The following KIF21A variants were observed in gnomAD, a reference collection of about 807,000 sequenced individuals.
The protein encoded by KIF21A is kinesin-like protein KIF21A.
A neutral mutation model predicts 202.9 loss-of-function variants in KIF21A; 114 were observed. That is an observed-to-expected ratio of 0.56 (90% CI 0.48 to 0.66). KIF21A has a LOEUF of 0.66. KIF21A is among the 30% of genes least tolerant of loss of function. KIF21A has a pLI of 0.00. For missense variants in KIF21A, 1,677 were observed against 1,994.9 expected (o/e 0.84, Z 3.04); for synonymous variants, 667 against 670.8 (o/e 0.99, Z 0.09).
chr12:39,305,517 G>A (rs1159474525), intron 34 of KIF21A, among the ~76,000 whole-genome samples: 2 of 152,046 alleles, frequency 1.3e-5, no homozygotes, highest in African/African-American at 4.8e-5. Context: ...CCCAGTAGCT[G>A]GGACTTATAG....
intron 1 of KIF21A, among the ~76,000 whole-genome samples, chr12:39,425,583 G>C (rs1592696625): frequency 6.6e-6 from 1 of 152,168 alleles, no homozygotes; most frequent in African/African-American, 2.4e-5. Context: ...AGATACTAAA[G>C]ATAACTGTTT....
chr12:39,372,872 G>T (rs1450724683), intron 1 of KIF21A, among the ~76,000 whole-genome samples: 1 of 152,084 alleles, frequency 6.6e-6, no homozygotes, highest in Non-Finnish European at 1.5e-5. Context: ...CAGAAATAGG[G>T]AGAGTCAGAA....
chr12:39,316,953 T>C (rs1944615173), intron 29 of KIF21A, among the ~76,000 whole-genome samples: 1 of 152,212 alleles, frequency 6.6e-6, no homozygotes, highest in South Asian at 2.1e-4. Context: ...GAAGGCAAGG[T>C]AGACACAAAT....
chr12:39,418,571 A>G (rs1953978769), intron 1 of KIF21A, among the ~76,000 whole-genome samples: 1 of 152,212 alleles, frequency 6.6e-6, no homozygotes, highest in Non-Finnish European at 1.5e-5. Context: ...CTACAGATGC[A>G]ACAGAAATCA....
intron 1 of KIF21A, among the ~76,000 whole-genome samples, chr12:39,395,132 C>T (rs57833783): frequency 0.3 from 45,138 of 152,050 alleles, 8,447 homozygotes; most frequent in African/African-American, 0.53. Flanking sequence ...CCCATTTCCC[C>T]GTCCACTACC....
At chr12:39,308,507 T>A (rs910290167) in intron 33 of KIF21A, among the ~76,000 whole-genome samples, 18 of 152,296 alleles carry the variant, frequency 1.2e-4, no homozygotes, top group African/African-American at 4.3e-4. Context: ...CTTTTGTGTA[T>A]AAGAATTGCC....
In KIF21A at chr12:39,319,895, T is replaced by C. The variant is rs1260260921; in HGVS notation, c.3779+11A>G. On this transcript the variant is annotated intron_variant, in intron 28 of 37. Transcript: ENST00000361418. The stretch of plus-strand genomic sequence containing the variant: ...ATACAGTCTAGCAGGTAAAAAACAT[T>C]AGTCACTTACTGCTTTTGTTCCTTG... The C allele has an allele frequency of 6.7e-7, 1 of 1,487,074 alleles. No homozygotes were observed. Among genetic ancestry groups the C allele is most frequent in the African/African-American group, 1.4e-5 (1 of 72,538 alleles). The allele number at this position is 1,487,074 out of a possible 1,614,324, so 92.1% of individuals were successfully genotyped here.
intron 1 of KIF21A, among the ~76,000 whole-genome samples, chr12:39,374,689 T>A (rs1043122075): frequency 1.3e-5 from 2 of 152,138 alleles, no homozygotes; most frequent in African/African-American, 4.8e-5. Flanking sequence ...ATGCAAGATA[T>A]ATGATAATTA....
intron 1 of KIF21A, among the ~76,000 whole-genome samples, chr12:39,420,759 A>G (rs1954187825): frequency 6.6e-6 from 1 of 152,170 alleles, no homozygotes; most frequent in East Asian, 1.9e-4. Context: ...AGTTGAAAGT[A>G]ATGAGATCTA....
chr12:39,322,580 A>T, intron 27 of KIF21A, 88 bp downstream of exon 27: 1 of 949,154 alleles, frequency 1.1e-6, no homozygotes, highest in Non-Finnish European at 1.6e-6. Context: ...TATAAATTTT[A>T]AATAATAGAA....
chr12:39,398,329 G>A (rs113057204), intron 1 of KIF21A, among the ~76,000 whole-genome samples: 2,069 of 152,314 alleles, frequency 0.014, 20 homozygotes, highest in Non-Finnish European at 0.018. Flanking sequence ...GCCGGACATG[G>A]TGGTTCATGC....
chr12:39,308,433 TTA>T (rs1943688737), intron 33 of KIF21A, among the ~76,000 whole-genome samples: 1 of 151,900 alleles, frequency 6.6e-6, no homozygotes, highest in Admixed American at 6.6e-5. Context: ...CAAAAGTAAT[TTA>T]TTTTCCTACA....
At chr12:39,304,166 C>G (rs1208385527) in intron 35 of KIF21A, among the ~76,000 whole-genome samples, 1 of 152,198 alleles carries the variant, frequency 6.6e-6, no homozygotes, top group African/African-American at 2.4e-5. Context: ...TAACCCATCT[C>G]TCATTTCTTA....
chr12:39,360,300 GTATAT>G (rs1253229548), intron 7 of KIF21A, among the ~76,000 whole-genome samples: 2 of 151,748 alleles, frequency 1.3e-5, no homozygotes, highest in South Asian at 2.1e-4. Flanking sequence ...TTATTATATT[GTATAT>G]TATATTTCTT....
At chr12:39,410,802 AAAC>A (rs1162781298) in intron 1 of KIF21A, among the ~76,000 whole-genome samples, 1 of 152,210 alleles carries the variant, frequency 6.6e-6, no homozygotes, top group Non-Finnish European at 1.5e-5. Context: ...AAATTTTAAA[AAAC>A]AACAACAAAA....
At chr12:39,296,478 T>C (rs1248105182) in intron 37 of KIF21A, among the ~76,000 whole-genome samples, 1 of 152,000 alleles carries the variant, frequency 6.6e-6, no homozygotes, top group Non-Finnish European at 1.5e-5. Context: ...CCATAATAAA[T>C]GATTAAACTA....
chr12:39,330,815 A>G lies in KIF21A; in HGVS notation c.3250T>C (p.Phe1084Leu), dbSNP rs779110274. Residue 1084 changes from phenylalanine (F) to leucine (L), a missense_variant, in exon 23 of 38, where the codon TTC (phenylalanine) becomes CTC (leucine). By Grantham distance (22) the Phe-to-Leu change is conservative (BLOSUM62 0). Coordinates refer to ENST00000361418, the MANE Select transcript of KIF21A (RefSeq NM_001173464.2). Reference protein sequence around the residue: ...ITSATQNQLLFHMLKEKAELN... With the variant: ...ITSATQNQLLLHMLKEKAELN... ...TCTGCCTTCTCTTTCAACATATGGA[A>G]TAAGAGCTGGTTTTGGGTAGCACTG... 3 of 1,613,970 alleles carry G rather than the reference A, an allele frequency of 1.9e-6. No homozygotes were observed. Among genetic ancestry groups the G allele is most frequent in the Non-Finnish European group, 1.7e-6 (2 of 1,179,860 alleles).
intron 1 of KIF21A, among the ~76,000 whole-genome samples, chr12:39,415,786 A>G (rs1953527519): frequency 6.6e-6 from 1 of 152,126 alleles, no homozygotes; most frequent in Non-Finnish European, 1.5e-5. Context: ...CCTACTCTCT[A>G]TTCCAACAAT....
intron 14 of KIF21A, 125 bp from the exon 15 acceptor site, chr12:39,341,219 T>A: frequency 1.2e-6 from 1 of 863,810 alleles, no homozygotes; most frequent in Non-Finnish European, 1.8e-6. Context: ...ATTAGAAAAA[T>A]TTCCTGGAAA....
Sources: gnomAD v4.1 joint callset for allele counts (sites outside exome capture counted in the v4.1 genomes callset) on GRCh38, gnomAD v4.1.1 for gene constraint, MANE v1.5 for transcripts, NCBI Gene and HGNC (gene_info 2026-07-23, HGNC 2026-07-21) for gene names.